NMU: variants seen among roughly 807,000 people sequenced by gnomAD.
NMU encodes neuromedin U, also known as neuromedin-U.
NMU carries 29 observed loss-of-function variants against 35.4 expected under a neutral mutation model. That is an observed-to-expected ratio of 0.82 (90% CI 0.61 to 1.12). The LOEUF (loss-of-function observed/expected upper bound fraction) is 1.12. Ranked by LOEUF, NMU falls within the 50% of genes most tolerant of loss-of-function variation. NMU has a pLI of 0.00. For synonymous variants in NMU, 78 were observed against 81.3 expected, an observed-to-expected ratio of 0.96 and a Z score of 0.22; for missense variants, 199 against 206.2, an observed-to-expected ratio of 0.97 and a Z score of 0.21.
rs1733323135 is a variant in NMU at position 55,599,173 on chromosome 4, A to C, written c.498T>G (p.Asn166Lys). 1 of 1,606,400 alleles carries C rather than the reference A, an allele frequency of 6.2e-7. No individual in the cohort carries two copies. The highest frequency in any genetic ancestry group is 1.7e-5 in the Admixed American group (1 of 59,988). Residue 166 changes from asparagine to lysine, a missense_variant, in exon 9 of 10, where the codon AAT becomes AAG. Transcript: ENST00000264218. ...SRGYFLFRPR[N>K]GRRSAGFI Reference sequence around the variant, plus strand: ...AAATGAACCCTGCTGACCTTCTTCCATTCCGTGGCTGAAAAATAATAGATT... The same window carrying C: ...AAATGAACCCTGCTGACCTTCTTCCCTTCCGTGGCTGAAAAATAATAGATT...
intron 8 of NMU, among the ~76,000 whole-genome samples, 177 bp from the exon 9 acceptor site, chr4:55,599,358 A>C (rs1733333983): frequency 6.6e-6 from 1 of 152,178 alleles, no homozygotes; most frequent in Non-Finnish European, 1.5e-5. Context: ...TAAGTCTGAG[A>C]ATCCTGAGAA....
chr4:55,604,097 G>A (rs941747788), intron 7 of NMU, among the ~76,000 whole-genome samples: 1 of 118,296 alleles, frequency 8.5e-6, no homozygotes, highest in Non-Finnish European at 1.7e-5. Context: ...ACAGAGTCTC[G>A]CGCTGTCACT....
At chr4:55,619,040 T>C (rs1040884083) in intron 2 of NMU, among the ~76,000 whole-genome samples, 18 of 151,866 alleles carry the variant, frequency 1.2e-4, no homozygotes, top group African/African-American at 3.6e-4. Flanking sequence ...TGGCTTATTT[T>C]TTATTATTTA....
At chr4:55,605,230 C>T (rs371538752) in intron 7 of NMU, 45 bp downstream of exon 7, 44 of 1,281,004 alleles carry the variant, frequency 3.4e-5, no homozygotes, top group East Asian at 1.4e-4. Flanking sequence ...GAAAGGGCTG[C>T]CCCACACGGA....
chr4:55,601,210 C>T (rs1157762172), intron 7 of NMU, among the ~76,000 whole-genome samples: 2 of 151,988 alleles, frequency 1.3e-5, no homozygotes, highest in South Asian at 2.1e-4. Flanking sequence ...TCATTTTAAG[C>T]TTCATGAAAA....
chr4:55,628,367 TG>T (rs1734618405), intron 2 of NMU, among the ~76,000 whole-genome samples: 1 of 152,192 alleles, frequency 6.6e-6, no homozygotes, highest in African/African-American at 2.4e-5. Context: ...CTTGTTTTTT[TG>T]ACTTCCCCCT....
intron 6 of NMU, 119 bp from the exon 7 acceptor site, chr4:55,605,468 A>AGTCT (rs1733643235): frequency 1.3e-6 from 1 of 778,210 alleles, no homozygotes; most frequent in Non-Finnish European, 2.3e-6. Context: ...AAAACAGAAA[A>AGTCT]TTAAAGATGT....
rs563940889 is a variant in NMU at position 55,602,354 on chromosome 4, G to A, written c.436-1779C>T. On this transcript the variant is annotated intron_variant, in intron 7 of 9. Transcript: ENST00000264218. ...GGCCCAGCAAAGCGAACACTCTCCTGCAATTGCATTTCTATTCATCTTTTA... is the reference window on the plus strand; with the variant it reads ...GGCCCAGCAAAGCGAACACTCTCCTACAATTGCATTTCTATTCATCTTTTA... Among the ~76,000 whole-genome samples, 99 of 152,284 alleles carry A rather than the reference G, an allele frequency of 6.5e-4. 1 individual carries two copies. The highest frequency in any genetic ancestry group is 5.4e-3 in the South Asian group (26 of 4,830).
At chr4:55,635,901 C>G (rs2110218520) in intron 1 of NMU, among the ~76,000 whole-genome samples, 180 bp downstream of exon 1, 1 of 152,342 alleles carries the variant, frequency 6.6e-6, no homozygotes, top group South Asian at 2.1e-4. Context: ...TCCTACGTCG[C>G]TAGTTGCCCT....
At chr4:55,636,442 G>A (rs1715937698), upstream of NMU, 3 of 483,256 alleles carry the variant, frequency 6.2e-6, no homozygotes, top group South Asian at 1.3e-4. This position sits in a 1 kb window ranked among gnomAD's most constrained non-coding sequence, Gnocchi z 4.0. Flanking sequence ...GCCCCACCCT[G>A]CAGCAGGACC....
At position 55,599,137 on chromosome 4, in the gene NMU, C is replaced by A; in HGVS notation, c.*4+5G>T. ...TATTTATTTGTTTATTTATTTCTCA[C>A]ATACCATTTTAAATGAACCCTGCTG... On this transcript the variant is annotated splice_donor_5th_base_variant and intron_variant, in intron 9 of 9. Transcript: ENST00000264218. The A allele has an allele frequency of 3.2e-6, 5 of 1,581,220 alleles. No homozygotes were observed. In the South Asian group the frequency reaches 5.5e-5, roughly 18 times the overall value.
In NMU at chr4:55,599,065, A is replaced by G. The variant is rs2110179793; in HGVS notation, c.*4+77T>C. On this transcript the variant is annotated intron_variant, in intron 9 of 9. Coordinates refer to ENST00000264218, the MANE Select transcript of NMU (RefSeq NM_006681.4). ...TAATTTGTGACTATTTGAAAACAAC[A>G]GCAAATGTCAAACTGTGTTGAACTG... is the stretch of plus-strand genomic sequence containing the variant. The G allele has an allele frequency of 5.2e-6, 5 of 955,332 alleles. No individual in the cohort carries two copies. The South Asian group carries it at 7.2e-5, about 14-fold the overall frequency. The allele number at this position is 955,332 out of a possible 1,614,324, so 59.2% of individuals were successfully genotyped here.
At chr4:55,627,249 C>A (rs1006434578) in intron 2 of NMU, among the ~76,000 whole-genome samples, 1 of 150,842 alleles carries the variant, frequency 6.6e-6, no homozygotes, top group African/African-American at 2.4e-5. Flanking sequence ...AATTACCATG[C>A]CTTTTTTTTT....
Position 55,595,563 on chromosome 4 carries a change from T to TATATATATATACACAC in NMU, c.*5-153_*5-152insGTGTGTATATATATAT, listed in dbSNP as rs755203914. Reference sequence around the variant, plus strand: ...AGCTGTATATATATATATATATATATACACACACACACACACACACATGCA... The same window carrying TATATATATATACACAC: ...AGCTGTATATATATATATATATATATATATATATATACACACACACACACACACACACACACATGCA... On this transcript the variant is annotated intron_variant, in intron 9 of 9. Transcript: ENST00000264218. Among the ~76,000 whole-genome samples the TATATATATATACACAC allele has an allele frequency of 2.9e-3, 343 of 120,036 alleles. 2 individuals are homozygous for TATATATATATACACAC. The highest frequency in any genetic ancestry group is 8.5e-3 in the South Asian group (29 of 3,416). 78.7% of individuals were successfully genotyped at this position (120,036 alleles called of 152,430 possible).
intron 9 of NMU, among the ~76,000 whole-genome samples, chr4:55,596,588 A>G (rs1272440046): frequency 6.6e-6 from 1 of 152,168 alleles, no homozygotes; most frequent in Admixed American, 6.5e-5. Context: ...GAAAAAATAC[A>G]AAATTAAGGA....
At chr4:55,625,138 T>G in intron 2 of NMU, among the ~76,000 whole-genome samples, 1 of 102,700 alleles carries the variant, frequency 9.7e-6, no homozygotes, top group African/African-American at 3.7e-5. Flanking sequence ...CTGCACAAAG[T>G]GCACATGTAC....
chr4:55,632,656 A>G (rs1715664329), intron 1 of NMU, among the ~76,000 whole-genome samples: 1 of 152,212 alleles, frequency 6.6e-6, no homozygotes, highest in African/African-American at 2.4e-5. Flanking sequence ...ATTTCCATAT[A>G]AAACACCTGG....
intron 9 of NMU, among the ~76,000 whole-genome samples, chr4:55,598,334 A>C (rs1226654812): frequency 2.0e-5 from 3 of 151,924 alleles, no homozygotes; most frequent in Non-Finnish European, 2.9e-5. Context: ...TAGCCTCCCA[A>C]AGTGATGGGA....
chr4:55,603,920 A>T lies in NMU; in HGVS notation c.435+1355T>A, dbSNP rs1383627864. Among the ~76,000 whole-genome samples the T allele has an allele frequency of 3.4e-5, 3 of 87,776 alleles. No individual in the cohort carries two copies. The East Asian group carries it at 1.2e-3, about 35-fold the overall frequency. 57.6% of individuals were successfully genotyped at this position (87,776 alleles called of 152,430 possible). On this transcript the variant is annotated intron_variant, in intron 7 of 9. Coordinates refer to ENST00000264218, the MANE Select transcript of NMU (RefSeq NM_006681.4). ...GAGCAAGAGTCCGTCTCAAAAAAAA[A>T]AAAAAAATATATATATATATATATA...
Sources: gnomAD v4.1 joint callset for allele counts (sites outside exome capture counted in the v4.1 genomes callset) on GRCh38, gnomAD v4.1.1 for gene constraint, Gnocchi (gnomAD v3.1) non-coding constraint, MANE v1.5 for transcripts, NCBI Gene and HGNC (gene_info 2026-07-23, HGNC 2026-07-21) for gene names.